PDE4D: variants seen among roughly 807,000 people sequenced by gnomAD.
PDE4D encodes phosphodiesterase 4D.
Under a neutral mutation model 87.4 loss-of-function variants are expected in PDE4D, and 24 were observed. The observed-to-expected ratio is 0.27, with a 90% CI of 0.20 to 0.39. The LOEUF is 0.39. Among genes scored for constraint, PDE4D ranks in the 10% least tolerant of loss-of-function variants. PDE4D has a pLI of 1.00. For synonymous variants in PDE4D, 384 were observed against 383.2 expected (o/e 1.00, Z -0.02); for missense variants, 714 against 1,041.0 (o/e 0.69, Z 4.32).
At chr5:59,168,948 A>T (rs1471914583) in intron 5 of PDE4D, among the ~76,000 whole-genome samples, 2 of 152,214 alleles carry the variant, frequency 1.3e-5, no homozygotes, top group African/African-American at 4.8e-5. Flanking sequence ...TGGATATCAT[A>T]AGGTTTAAAA....
chr5:59,023,379 C>A (rs990536527), intron 6 of PDE4D, among the ~76,000 whole-genome samples: 6 of 151,056 alleles, frequency 4.0e-5, no homozygotes, highest in African/African-American at 1.5e-4. Context: ...TGCACTGGCT[C>A]ATGCACTTTG....
chr5:60,177,579 G>A (rs1784031474), intron 2 of PDE4D, among the ~76,000 whole-genome samples: 1 of 152,112 alleles, frequency 6.6e-6, no homozygotes, highest in African/African-American at 2.4e-5. Flanking sequence ...TATTAATCAG[G>A]ATCCTGTTTA....
At chr5:59,493,805 T>C (rs1365268510) in intron 1 of PDE4D, among the ~76,000 whole-genome samples, 1 of 152,218 alleles carries the variant, frequency 6.6e-6, no homozygotes, top group East Asian at 1.9e-4. Flanking sequence ...TATTTATTTG[T>C]GAAAATGCAT....
In PDE4D at chr5:59,250,461, C is replaced by G. The variant is rs139430709; in HGVS notation, c.456-34493G>C. ...TGAGCTGTGATTGAGCTACTGCACTCCAGCTTGGGTAACAGAGCAAGATCC... is the reference window on the plus strand; with the variant it reads ...TGAGCTGTGATTGAGCTACTGCACTGCAGCTTGGGTAACAGAGCAAGATCC... On this transcript the variant is annotated intron_variant, in intron 1 of 14. Coordinates refer to ENST00000340635, the MANE Select transcript of PDE4D (RefSeq NM_001104631.2). 3.6e-3 allele frequency among the ~76,000 whole-genome samples: 531 copies of G among 149,334 alleles called. 2 individuals are homozygous for G. The highest frequency in any genetic ancestry group is 5.6e-3 in the Non-Finnish European group (375 of 67,522).
intron 1 of PDE4D, among the ~76,000 whole-genome samples, chr5:59,620,133 G>C (rs764554361): frequency 6.6e-6 from 1 of 152,090 alleles, no homozygotes; most frequent in East Asian, 1.9e-4. Flanking sequence ...ATGTGACCAA[G>C]AGACAGAGTT....
chr5:60,459,769 AAAAAG>A, intron 1 of PDE4D: 1 of 464,104 alleles, frequency 2.2e-6, no homozygotes, highest in Non-Finnish European at 4.1e-6. Flanking sequence ...GCACAAGAGG[AAAAAG>A]AAAAGACTGG....
chr5:59,607,736 T>C (rs983230491), intron 1 of PDE4D, among the ~76,000 whole-genome samples: 7 of 151,774 alleles, frequency 4.6e-5, no homozygotes, highest in Admixed American at 2.0e-4. Flanking sequence ...GATGGTAGGA[T>C]ACAAGGAACC....
intron 1 of PDE4D, among the ~76,000 whole-genome samples, chr5:60,480,380 T>A (rs1178530627): frequency 6.6e-6 from 1 of 152,080 alleles, no homozygotes; most frequent in Non-Finnish European, 1.5e-5. Context: ...TTAATATACG[T>A]AAAATGTAAA....
intron 1 of PDE4D, among the ~76,000 whole-genome samples, chr5:59,615,422 T>C (rs1349100350): frequency 6.7e-6 from 1 of 149,368 alleles, no homozygotes; most frequent in Non-Finnish European, 1.5e-5. Flanking sequence ...TTGATGAGAC[T>C]AGTGTAAATG....
At chr5:59,014,408 A>G (rs572178948) in intron 6 of PDE4D, among the ~76,000 whole-genome samples, 1 of 152,218 alleles carries the variant, frequency 6.6e-6, no homozygotes, top group Non-Finnish European at 1.5e-5. Context: ...CCATCATCTC[A>G]GCCCAAAATC....
At chr5:59,577,023 A>T (rs1376999412) in intron 1 of PDE4D, among the ~76,000 whole-genome samples, 3 of 152,066 alleles carry the variant, frequency 2.0e-5, no homozygotes, top group Non-Finnish European at 4.4e-5. Context: ...CTCCATCATT[A>T]CGCCAATTAT....
At chr5:59,016,100 G>C (rs958918525) in intron 6 of PDE4D, among the ~76,000 whole-genome samples, 10 of 152,110 alleles carry the variant, frequency 6.6e-5, no homozygotes, top group African/African-American at 2.2e-4. Flanking sequence ...ACACAGGATG[G>C]GGGAACATCA....
At chr5:59,143,261 C>T (rs1778172293) in intron 5 of PDE4D, among the ~76,000 whole-genome samples, 1 of 151,588 alleles carries the variant, frequency 6.6e-6, no homozygotes, top group Admixed American at 6.6e-5. Flanking sequence ...TACACAAATC[C>T]TCAGTTAACT....
chr5:60,520,131 G>T (rs979533364), intron 1 of PDE4D, among the ~76,000 whole-genome samples: 1 of 151,910 alleles, frequency 6.6e-6, no homozygotes, highest in Admixed American at 6.6e-5. Context: ...CACACTGGAT[G>T]GTTGTTTTTG....
Position 59,346,939 on chromosome 5 carries a change from A to G in PDE4D, c.456-130971T>C, listed in dbSNP as rs150366362. 1.5e-3 allele frequency among the ~76,000 whole-genome samples: 230 copies of G among 152,320 alleles called. 1 individual carries two copies. The highest frequency in any genetic ancestry group is 5.4e-3 in the African/African-American group (224 of 41,580). On this transcript the variant is annotated intron_variant, in intron 1 of 14. Coordinates refer to ENST00000340635, the MANE Select transcript of PDE4D (RefSeq NM_001104631.2). ...GTTCATCTGAGATCAGGGCAGTGAT[A>G]CTTCATAGAACCCACAAATAAAAGC...
chr5:60,435,328 T>C (rs1291468317), intron 1 of PDE4D, among the ~76,000 whole-genome samples: 2 of 152,140 alleles, frequency 1.3e-5, no homozygotes, highest in Non-Finnish European at 1.5e-5. Context: ...CTTCCCTTTT[T>C]CTAAAGTACC....
chr5:59,371,309 A>G (rs1783896849), intron 1 of PDE4D, among the ~76,000 whole-genome samples: 2 of 152,218 alleles, frequency 1.3e-5, no homozygotes, highest in African/African-American at 4.8e-5. Flanking sequence ...CAAGGGAGTG[A>G]AATAATAAAA....
chr5:60,461,575 G>A (rs138015411), intron 1 of PDE4D, among the ~76,000 whole-genome samples: 1 of 152,320 alleles, frequency 6.6e-6, no homozygotes, highest in East Asian at 1.9e-4. Flanking sequence ...AATCACATCA[G>A]AGGAAAGCCT....
intron 3 of PDE4D, among the ~76,000 whole-genome samples, chr5:59,921,717 A>G (rs1051125024): frequency 6.6e-6 from 1 of 152,198 alleles, no homozygotes; most frequent in Non-Finnish European, 1.5e-5. Context: ...AAGATAAGGA[A>G]GTCTGGTTTA....
Sources: allele counts gnomAD v4.1 joint callset (sites outside exome capture counted in the v4.1 genomes callset), GRCh38; gene constraint gnomAD v4.1.1; transcripts MANE v1.5; gene names NCBI Gene and HGNC (gene_info 2026-07-23, HGNC 2026-07-21).